The following PRDM16 variants were observed in gnomAD, a reference collection of about 807,000 sequenced individuals.
PRDM16 encodes PR/SET domain 16, also known as histone-lysine N-methyltransferase PRDM16.
In PRDM16, 23 loss-of-function variants were observed where a neutral mutation model predicts 110.6. The observed-to-expected ratio is 0.21, with a 90% CI of 0.15 to 0.29. PRDM16 has a LOEUF of 0.29. Ranked by LOEUF, PRDM16 falls within the 10% of genes least tolerant of loss-of-function variation. The pLI is 1.00. For missense variants in PRDM16, 1,615 were observed against 1,794.3 expected, an observed-to-expected ratio of 0.90 and a Z score of 1.81; for synonymous variants, 799 against 781.8, an observed-to-expected ratio of 1.02 and a Z score of -0.37.
At chr1:3,419,978 G>A (rs1390772821) in intron 12 of PRDM16, among the ~76,000 whole-genome samples, 2 of 151,688 alleles carry the variant, frequency 1.3e-5, no homozygotes, top group South Asian at 2.1e-4. Context: ...AAGGCTAGCA[G>A]CAGAAAGATT....
chr1:3,428,332 C>T (rs1300462873), intron 14 of PRDM16, among the ~76,000 whole-genome samples: 1 of 152,014 alleles, frequency 6.6e-6, no homozygotes, highest in East Asian at 1.9e-4. Context: ...GCAGGAGACC[C>T]ACCAGGACAG....
intron 1 of PRDM16, among the ~76,000 whole-genome samples, chr1:3,082,455 G>T (rs1426244083): frequency 6.6e-6 from 1 of 152,190 alleles, no homozygotes; most frequent in Admixed American, 6.5e-5. Flanking sequence ...ACCTCAGCCT[G>T]CAGGGTCTGG....
Position 3,088,746 on chromosome 1 carries a change from G to A in PRDM16, c.37+19450G>A, listed in dbSNP as rs1046585283. Among the ~76,000 whole-genome samples the A allele has an allele frequency of 1.8e-4, 27 of 149,204 alleles. No individual in the cohort carries two copies. The East Asian group carries it at 4.3e-3, about 24-fold the overall frequency. ...ATTACAGGCGTGAGTCACGGCGCCCGGCCATATTATTATTATTATATTATT... is the reference window on the plus strand; with the variant it reads ...ATTACAGGCGTGAGTCACGGCGCCCAGCCATATTATTATTATTATATTATT... On this transcript the variant is annotated intron_variant, in intron 1 of 16. Transcript: ENST00000270722.
intron 2 of PRDM16, among the ~76,000 whole-genome samples, chr1:3,226,295 G>C (rs138837984): frequency 1.3e-5 from 2 of 152,214 alleles, no homozygotes; most frequent in Non-Finnish European, 2.9e-5. Context: ...ACACGGGGAC[G>C]TTGACATGTT....
intron 1 of PRDM16, among the ~76,000 whole-genome samples, chr1:3,145,134 C>T (rs1253442244): frequency 6.6e-6 from 1 of 152,220 alleles, no homozygotes. Context: ...TCCATGCCAC[C>T]CAGCCAGGCT....
chr1:3,325,980 T>A (rs1280078659), intron 3 of PRDM16, among the ~76,000 whole-genome samples: 1 of 148,458 alleles, frequency 6.7e-6, no homozygotes, highest in East Asian at 2.0e-4. Flanking sequence ...TCCTTGGCCA[T>A]CCTCGACCAT....
chr1:3,168,367 G>T (rs537684766), intron 1 of PRDM16, among the ~76,000 whole-genome samples: 6 of 132,338 alleles, frequency 4.5e-5, no homozygotes, highest in African/African-American at 1.5e-4. Flanking sequence ...CCCCACCCCT[G>T]CCTGGTTTTC....
In PRDM16 at chr1:3,225,579, C is replaced by CGCGT. The variant is rs1553149426; in HGVS notation, c.388-18505_388-18504insTGCG. Among the ~76,000 whole-genome samples the CGCGT allele has an allele frequency of 3.9e-3, 576 of 146,840 alleles. 8 individuals are homozygous for CGCGT. The highest frequency in any genetic ancestry group is 0.014 in the African/African-American group (538 of 37,446). ...GTGTGTGTGTGTGTGTGTGTGCGCGCGCGCAGAAGGAAGGAAACGCAAGGA... is the reference window on the plus strand; with the variant it reads ...GTGTGTGTGTGTGTGTGTGTGCGCGCGCGTGCGCAGAAGGAAGGAAACGCAAGGA... On this transcript the variant is annotated intron_variant, in intron 2 of 16. Coordinates refer to ENST00000270722, the MANE Select transcript of PRDM16 (RefSeq NM_022114.4).
At chr1:3,259,914 C>T (rs1184224762) in intron 3 of PRDM16, among the ~76,000 whole-genome samples, 1 of 152,148 alleles carries the variant, frequency 6.6e-6, no homozygotes, top group African/African-American at 2.4e-5. Context: ...CCTTACAGGG[C>T]ACCCAGGATC....
At chr1:3,303,612 T>G (rs866273689) in intron 3 of PRDM16, among the ~76,000 whole-genome samples, 4 of 152,226 alleles carry the variant, frequency 2.6e-5, no homozygotes, top group Admixed American at 6.5e-5. Context: ...TCCAATGGCT[T>G]TGTTTAACTT....
intron 2 of PRDM16, among the ~76,000 whole-genome samples, chr1:3,199,472 T>A (rs1213974539): frequency 6.6e-6 from 1 of 152,030 alleles, no homozygotes; most frequent in Non-Finnish European, 1.5e-5. Flanking sequence ...GCTGGCTCAG[T>A]CCTCCCCTTC....
chr1:3,335,059 G>A (rs1642116671), intron 3 of PRDM16, among the ~76,000 whole-genome samples: 1 of 152,242 alleles, frequency 6.6e-6, no homozygotes, highest in Non-Finnish European at 1.5e-5. Context: ...GGACGGGGTG[G>A]CAGGGAGACC....
intron 3 of PRDM16, among the ~76,000 whole-genome samples, chr1:3,288,811 G>A (rs561673452): frequency 6.6e-6 from 1 of 152,312 alleles, no homozygotes; most frequent in African/African-American, 2.4e-5. Context: ...CCTGGAAGGG[G>A]CAGGGGCCAA....
chr1:3,385,610 G>A (rs1643181760), intron 4 of PRDM16, among the ~76,000 whole-genome samples: 1 of 152,208 alleles, frequency 6.6e-6, no homozygotes, highest in African/African-American at 2.4e-5. Flanking sequence ...CACACTTCCT[G>A]CAAATGCCGC....
At chr1:3,241,084 G>C (rs922299391) in intron 2 of PRDM16, among the ~76,000 whole-genome samples, 5 of 152,234 alleles carry the variant, frequency 3.3e-5, no homozygotes, top group Non-Finnish European at 7.3e-5. Context: ...GGGGAGCCGG[G>C]GAGCGCGTCC....
intron 1 of PRDM16, among the ~76,000 whole-genome samples, chr1:3,135,079 G>T (rs907493081): frequency 1.6e-4 from 24 of 152,368 alleles, no homozygotes; most frequent in African/African-American, 5.5e-4. Flanking sequence ...GGGGCTTCTG[G>T]AAGGAAGGGC....
chr1:3,289,736 G>C (rs1640930668), intron 3 of PRDM16, among the ~76,000 whole-genome samples: 1 of 152,202 alleles, frequency 6.6e-6, no homozygotes. Flanking sequence ...TGTGTCCATG[G>C]AACATGGGAC....
At chr1:3,230,570 A>G (rs1639383360) in intron 2 of PRDM16, among the ~76,000 whole-genome samples, 1 of 152,236 alleles carries the variant, frequency 6.6e-6, no homozygotes, top group Admixed American at 6.5e-5. Flanking sequence ...AACAAACAGG[A>G]GGAAAATAAG....
At chr1:3,192,843 C>T (rs1229256343) in intron 2 of PRDM16, among the ~76,000 whole-genome samples, 1 of 152,172 alleles carries the variant, frequency 6.6e-6, no homozygotes, top group African/African-American at 2.4e-5. Context: ...ACCCTCGGTG[C>T]TCAAAGTGTG....
Sources: allele counts gnomAD v4.1 joint callset (sites outside exome capture counted in the v4.1 genomes callset), GRCh38; gene constraint gnomAD v4.1.1; transcripts MANE v1.5; gene names NCBI Gene and HGNC (gene_info 2026-07-23, HGNC 2026-07-21).